PKD1: variants seen among roughly 807,000 people sequenced by gnomAD.
The protein encoded by PKD1 is polycystin-1.
PKD1 carries 81 observed loss-of-function variants against 361.7 expected under a neutral mutation model. The observed-to-expected ratio is 0.22, with a 90% CI of 0.19 to 0.27. PKD1 has a LOEUF of 0.27. Among genes scored for constraint, PKD1 ranks in the 10% least tolerant of loss-of-function variants. The probability of loss-of-function intolerance (pLI) is 1.00; values close to 1 mark genes in which losing one functional copy is unlikely to be tolerated. For synonymous variants in PKD1, 3,615 were observed against 2,818.3 expected (o/e 1.28, Z -8.95); for missense variants, 6,399 against 6,118.3 (o/e 1.05, Z -1.53).
At position 2,091,607 on chromosome 16, in the gene PKD1, G is replaced by C. The variant is rs377419559; in HGVS notation, c.11538-10C>G. On this transcript the variant is annotated splice_polypyrimidine_tract_variant and intron_variant, in intron 41 of 45. Transcript: ENST00000262304. ...GAACACAGCGCGGCTCCTGCGCAGA[G>C]GGTGCGGGTCAGTAGGAGCGGGTGG... 1.3e-6 allele frequency: 2 copies of C among 1,561,188 alleles called. No individual in the cohort carries two copies. The highest frequency in any genetic ancestry group is 8.6e-7 in the Non-Finnish European group (1 of 1,161,902).
At chr16:2,107,178 G>C in intron 16 of PKD1, 1 of 589,560 alleles carries the variant, frequency 1.7e-6, no homozygotes, top group Non-Finnish European at 3.1e-6. Flanking sequence ...TGGTGTACTG[G>C]ACCCAGCTGG....
chr16:2,124,926 C>T (rs2092775102), intron 1 of PKD1, among the ~76,000 whole-genome samples: 1 of 152,192 alleles, frequency 6.6e-6, no homozygotes, highest in South Asian at 2.1e-4. Context: ...CCTGGAGGAG[C>T]TGGTTCCCCT....
intron 1 of PKD1, among the ~76,000 whole-genome samples, chr16:2,127,575 A>T (rs1164571738): frequency 6.6e-6 from 1 of 152,060 alleles, no homozygotes; most frequent in Admixed American, 6.5e-5. Context: ...GGCAGGTCTC[A>T]CAGTGCATGG....
In PKD1 at chr16:2,106,182, C is replaced by T. The variant is rs149281650; in HGVS notation, c.7612G>A (p.Val2538Met). The change falls in exon 19 of 46, where the codon GTG (valine) becomes ATG (methionine). Residue 2538 changes from valine (V) to methionine (M), a missense_variant. Physicochemically the swap from Val to Met is conservative, Grantham distance 21. Transcript: ENST00000262304. The surrounding 1 kb of genome is among the most constrained non-coding windows in gnomAD (Gnocchi z 6.5). ...YKGSLSSYGA[V>M]LPPGFRPHFE... ...TGTGGCCTGAAACCCGGGGGCAGCA[C>T]GGCTCCGTAGCTGGAGAGGCTGCCC... is the stretch of plus-strand genomic sequence containing the variant. 37 of 1,609,662 alleles carry T rather than the reference C, an allele frequency of 2.3e-5. No homozygotes were observed. The highest frequency in any genetic ancestry group is 2.7e-5 in the African/African-American group (2 of 74,826).
In PKD1 at chr16:2,108,652, T is replaced by G; in HGVS notation, c.6515A>C (p.His2172Pro). 1 of 1,563,418 alleles carries G rather than the reference T, an allele frequency of 6.4e-7. No homozygotes were observed. Among genetic ancestry groups the G allele is most frequent in the South Asian group, 1.2e-5 (1 of 85,376 alleles). ...GGTGACGCAGTCGCGCAGGTCAACGTGGGCCTCCAAGTAGTTGCGCTGTGA... is the reference window on the plus strand; with the variant it reads ...GGTGACGCAGTCGCGCAGGTCAACGGGGGCCTCCAAGTAGTTGCGCTGTGA... ...RRSQRNYLEA[H>P]VDLRDCVTYQ... The change falls in exon 15 of 46, where the codon CAC (histidine) becomes CCC (proline). Residue 2172 changes from histidine (H) to proline (P), a missense_variant. Coordinates refer to ENST00000262304, the MANE Select transcript of PKD1 (RefSeq NM_001009944.3).
intron 35 of PKD1, 38 bp downstream of exon 35, chr16:2,094,054 G>T (rs752901948): frequency 2.8e-5 from 45 of 1,589,852 alleles, no homozygotes; most frequent in Non-Finnish European, 3.6e-5. Flanking sequence ...CAGCTCACAG[G>T]GAGGGGCTAG....
In PKD1 at chr16:2,107,970, T is replaced by C. The variant is rs781237862; in HGVS notation, c.6978A>G (p.Pro2326=). 6.5e-7 allele frequency: 1 copy of C among 1,548,502 alleles called. No individual in the cohort carries two copies. Among genetic ancestry groups the C allele is most frequent in the South Asian group, 1.2e-5 (1 of 84,126 alleles). Residue 2326 remains proline (P), a synonymous_variant, in exon 16 of 46, where the codon CCA becomes CCG. Transcript: ENST00000262304. ...GPRGSSTVTI[P]RERLAAGVEY... ...CCACGCCAGCCGCCAGCCGCTCCCGTGGAATGGTGACCGTGCTGCTCCCGC... is the reference window on the plus strand; with the variant it reads ...CCACGCCAGCCGCCAGCCGCTCCCGCGGAATGGTGACCGTGCTGCTCCCGC...
At position 2,096,282 on chromosome 16, in the gene PKD1, G is replaced by A. The variant is rs192927185; in HGVS notation, c.10499+866C>T. On this transcript the variant is annotated intron_variant, in intron 34 of 45. Transcript: ENST00000262304. Reference sequence around the variant, plus strand: ...GGCTCCGGGGCACCGCACCTGCACTGCATGCCACTGCACTGAATCCTGCAG... The same window carrying A: ...GGCTCCGGGGCACCGCACCTGCACTACATGCCACTGCACTGAATCCTGCAG... Among the ~76,000 whole-genome samples the A allele has an allele frequency of 9.2e-5, 14 of 152,376 alleles. No homozygotes were observed. The East Asian group carries it at 2.7e-3, about 29-fold the overall frequency.
At position 2,114,531 on chromosome 16, in the gene PKD1, G is replaced by T; in HGVS notation, c.2492C>A (p.Pro831His). The change falls in exon 11 of 46, where the codon CCC (proline) becomes CAC (histidine). Residue 831 changes from proline (P) to histidine (H), a missense_variant. Transcript: ENST00000262304. Reference sequence around the variant, plus strand: ...GGGCACGTAGAGGCGGCCGTCGCGGGGGGCAGGGTAGATGACCCGCAGCCC... The same window carrying T: ...GGGCACGTAGAGGCGGCCGTCGCGGTGGGCAGGGTAGATGACCCGCAGCCC... ...VAGLRVIYPAPRDGRLYVPTN... is the reference protein window; with the variant it reads ...VAGLRVIYPAHRDGRLYVPTN... The T allele has an allele frequency of 6.3e-7, 1 of 1,594,570 alleles. No homozygotes were observed. Among genetic ancestry groups the T allele is most frequent in the Middle Eastern group, 2.3e-4 (1 of 4,420 alleles).
At chr16:2,102,718 C>T (rs892112666) in intron 24 of PKD1, 85 bp from the exon 25 acceptor site, 27 of 1,605,620 alleles carry the variant, frequency 1.7e-5, no homozygotes, top group African/African-American at 1.3e-4. Flanking sequence ...CGGTCCAGTC[C>T]CCTCGCTGCC....
chr16:2,124,243 G>A (rs531632383), intron 1 of PKD1, among the ~76,000 whole-genome samples: 5 of 152,356 alleles, frequency 3.3e-5, no homozygotes, highest in Admixed American at 6.5e-5. Flanking sequence ...GCCGGCCCGA[G>A]GTAGCTGACA....
intron 26 of PKD1, among the ~76,000 whole-genome samples, chr16:2,101,062 T>C (rs1019930481): frequency 7.6e-4 from 115 of 152,112 alleles, no homozygotes; most frequent in African/African-American, 2.7e-3. Context: ...CTCAGCTCAC[T>C]GCAAGCTCCG....
At position 2,116,576 on chromosome 16, in the gene PKD1, G is replaced by A; in HGVS notation, c.1675C>T (p.Pro559Ser). The A allele has an allele frequency of 6.4e-7, 1 of 1,571,210 alleles. No homozygotes were observed. Among genetic ancestry groups the A allele is most frequent in the Non-Finnish European group, 8.6e-7 (1 of 1,162,738 alleles). ...GAGAGGCCGTCCTGCTGTGCCAGAG[G>A]CGTCAGGGGTCCCTGCAGGTCCCCA... is the stretch of plus-strand genomic sequence containing the variant. ...PSGDLQGPLT[P>S]LAQQDGLSAP... The change falls in exon 8 of 46, where the codon CCT becomes TCT. Residue 559 changes from proline to serine, a missense_variant. Pro to Ser is a moderately conservative substitution (Grantham distance 74). Transcript: ENST00000262304.
At position 2,111,621 on chromosome 16, in the gene PKD1, G is replaced by A; in HGVS notation, c.3546C>T (p.Ala1182=). 1 of 1,575,262 alleles carries A rather than the reference G, an allele frequency of 6.3e-7. No individual in the cohort carries two copies. The highest frequency in any genetic ancestry group is 1.3e-5 in the African/African-American group (1 of 74,232). ...QSQPAANHTY[A]SRGTYHVRLE... Reference sequence around the variant, plus strand: ...GGCGCACGTGGTAGGTGCCCCTCGAGGCATAGGTGTGGTTGGCAGCCGGCT... The same window carrying A: ...GGCGCACGTGGTAGGTGCCCCTCGAAGCATAGGTGTGGTTGGCAGCCGGCT... The change falls in exon 15 of 46, where the codon GCC becomes GCT. Residue 1182 remains alanine, a synonymous_variant. Coordinates refer to ENST00000262304, the MANE Select transcript of PKD1 (RefSeq NM_001009944.3).
intron 1 of PKD1, among the ~76,000 whole-genome samples, chr16:2,127,471 G>C (rs2092813654): frequency 6.6e-6 from 1 of 152,206 alleles, no homozygotes. Flanking sequence ...CACCCGCCCA[G>C]GCTGCACTGG....
intron 34 of PKD1, among the ~76,000 whole-genome samples, chr16:2,096,380 G>A (rs2091847235): frequency 6.6e-6 from 1 of 152,276 alleles, no homozygotes; most frequent in South Asian, 2.1e-4. Context: ...GCAGAGCCCG[G>A]GGTCACACGC....
Position 2,090,128 on chromosome 16 carries a change from C to A in PKD1, c.12511G>T (p.Val4171Leu). 6.3e-7 allele frequency: 1 copy of A among 1,597,612 alleles called. No individual in the cohort carries two copies. The highest frequency in any genetic ancestry group is 8.5e-7 in the Non-Finnish European group (1 of 1,170,600). Residue 4171 changes from valine to leucine, a missense_variant, in exon 46 of 46, where the codon GTA becomes TTA. Transcript: ENST00000262304. ...CTGGGTGGGGGCACATCCGGGGATA[C>A]CTTGGAGCCCCTGGAGGAGCGAGAG... is the stretch of plus-strand genomic sequence containing the variant. The part of the protein sequence containing the change: ...LPSRSSRGSK[V>L]SPDVPPPSAG...
chr16:2,126,861 C>G (rs2092806026), intron 1 of PKD1, among the ~76,000 whole-genome samples: 1 of 152,192 alleles, frequency 6.6e-6, no homozygotes, highest in Admixed American at 6.5e-5. Context: ...AGGGCAGTGG[C>G]AGAACCACCC....
rs1482072864 is a variant in PKD1 at position 2,090,368 on chromosome 16, C to T, written c.12361G>A (p.Ala4121Thr). 1.2e-6 allele frequency: 2 copies of T among 1,612,634 alleles called. No homozygotes were observed. Among genetic ancestry groups the T allele is most frequent in the South Asian group, 2.2e-5 (2 of 91,078 alleles). ...ATCTCGTAGTCCTGGGGCTCCCAGG[C>T]CGGCCGGTACAGCTCTCCACGCAAG... is the stretch of plus-strand genomic sequence containing the variant. ...HALRGELYRP[A>T]WEPQDYEMVE... The change falls in exon 45 of 46, where the codon GCC (alanine) becomes ACC (threonine). Residue 4121 changes from alanine (A) to threonine (T), a missense_variant. Coordinates refer to ENST00000262304, the MANE Select transcript of PKD1 (RefSeq NM_001009944.3).
Sources: gnomAD v4.1 joint callset for allele counts (sites outside exome capture counted in the v4.1 genomes callset) on GRCh38, gnomAD v4.1.1 for gene constraint, Gnocchi (gnomAD v3.1) non-coding constraint, MANE v1.5 for transcripts, NCBI Gene and HGNC (gene_info 2026-07-23, HGNC 2026-07-21) for gene names.